Variants in ADAM32 observed in about 807,000 individuals in gnomAD.
ADAM32 encodes ADAM metallopeptidase domain 32.
ADAM32 carries 89 observed loss-of-function variants against 114.9 expected under a neutral mutation model. The ratio of observed to expected loss-of-function variants is 0.77; its 90% CI spans 0.65 to 0.92. ADAM32 has a LOEUF of 0.92. Ranked by LOEUF, ADAM32 falls within the 40% of genes least tolerant of loss-of-function variation. The pLI, the probability that ADAM32 is intolerant of heterozygous loss-of-function variation, is 0.00. For synonymous variants in ADAM32, 285 were observed against 307.5 expected (o/e 0.93, Z 0.77); for missense variants, 870 against 932.8 (o/e 0.93, Z 0.88).
In ADAM32 at chr8:39,164,969, TG is replaced by T; in HGVS notation, c.667-58del. 4 of 1,524,026 alleles carry T rather than the reference TG, an allele frequency of 2.6e-6. No homozygotes were observed. The South Asian group carries it at 3.7e-5, about 14-fold the overall frequency. The allele number at this position is 1,524,026 out of a possible 1,614,324, so 94.4% of individuals were successfully genotyped here. A position where few individuals can be genotyped will look rare whatever the true frequency, so the allele number is the denominator to read the frequency against. On this transcript the variant is annotated intron_variant, in intron 8 of 24. Coordinates refer to ENST00000379907, the MANE Select transcript of ADAM32 (RefSeq NM_145004.7). ...TGGGATTGTAAAAACTTTGAATTTCTGGGTTTTTATAAGATAACATAAATAT... is the reference window on the plus strand; with the variant it reads ...TGGGATTGTAAAAACTTTGAATTTCTGGTTTTTATAAGATAACATAAATAT...
At chr8:39,201,004 T>C (rs199660063) in intron 11 of ADAM32, among the ~76,000 whole-genome samples, 1 of 152,108 alleles carries the variant, frequency 6.6e-6, no homozygotes, top group Non-Finnish European at 1.5e-5. Context: ...GGTACCAGTA[T>C]CATGCTGTTT....
intron 6 of ADAM32, chr8:39,157,835 G>GACTAT: frequency 1.4e-6 from 1 of 737,666 alleles, no homozygotes; most frequent in African/African-American, 1.8e-5. Flanking sequence ...TGGAGGCACT[G>GACTAT]ATCAATTTGC....
At chr8:39,161,568 T>C (rs188090294) in intron 7 of ADAM32, among the ~76,000 whole-genome samples, 3 of 152,330 alleles carry the variant, frequency 2.0e-5, no homozygotes, top group East Asian at 3.9e-4. Context: ...TTATTTCTTT[T>C]AATAGTTGAA....
intron 22 of ADAM32, among the ~76,000 whole-genome samples, chr8:39,278,956 C>A (rs1320338859): frequency 6.6e-6 from 1 of 152,040 alleles, no homozygotes; most frequent in East Asian, 1.9e-4. Flanking sequence ...TGTAATGTGC[C>A]ATGTACTGTC....
At chr8:39,247,895 CT>C (rs148274969) in intron 17 of ADAM32, among the ~76,000 whole-genome samples, 7,364 of 146,514 alleles carry the variant, frequency 0.05, 616 homozygotes, top group African/African-American at 0.17. Flanking sequence ...TGTCTAGATT[CT>C]TTTTTTTTTC....
At position 39,226,939 on chromosome 8, in the gene ADAM32, T is replaced by C. The variant is rs561422660; in HGVS notation, c.1525+3701T>C. Among the ~76,000 whole-genome samples the C allele has an allele frequency of 5.9e-5, 9 of 152,326 alleles. No individual in the cohort carries two copies. The East Asian group carries it at 1.7e-3, about 29-fold the overall frequency. ...AAGACAAAACTACTGAAATAATTATTACTATAATAATTTGTTAAGGAACAT... is the reference window on the plus strand; with the variant it reads ...AAGACAAAACTACTGAAATAATTATCACTATAATAATTTGTTAAGGAACAT... On this transcript the variant is annotated intron_variant, in intron 14 of 24. Coordinates refer to ENST00000379907, the MANE Select transcript of ADAM32 (RefSeq NM_145004.7).
chr8:39,217,487 A>G (rs1227728611), intron 12 of ADAM32, among the ~76,000 whole-genome samples: 1 of 151,868 alleles, frequency 6.6e-6, no homozygotes, highest in Non-Finnish European at 1.5e-5. Flanking sequence ...TTTAAGGCCA[A>G]TAACTCCTAG....
intron 17 of ADAM32, among the ~76,000 whole-genome samples, chr8:39,251,958 A>G (rs954454849): frequency 9.2e-5 from 14 of 151,856 alleles, no homozygotes; most frequent in African/African-American, 3.1e-4. Flanking sequence ...TTCCAGCACC[A>G]TCTATTGAAG....
rs1804632727 is a variant in ADAM32 at position 39,163,424 on chromosome 8, T to A, written c.595-1340T>A. 1.3e-5 allele frequency among the ~76,000 whole-genome samples: 2 copies of A among 151,660 alleles called. 1 individual carries two copies. Among genetic ancestry groups the A allele is most frequent in the South Asian group, 4.2e-4 (2 of 4,778 alleles). On this transcript the variant is annotated intron_variant, in intron 7 of 24. Coordinates refer to ENST00000379907, the MANE Select transcript of ADAM32 (RefSeq NM_145004.7). ...TTTTACCTTAGAATAATCATTTTGG[T>A]AATAGTGTAGGGACCAGATTGCTGG...
At chr8:39,238,885 T>A (rs1810373978) in intron 16 of ADAM32, among the ~76,000 whole-genome samples, 2 of 151,498 alleles carry the variant, frequency 1.3e-5, no homozygotes, top group African/African-American at 4.9e-5. Context: ...AAATAAAAAA[T>A]AAAACAATGA....
At chr8:39,249,315 A>G (rs546856070) in intron 17 of ADAM32, among the ~76,000 whole-genome samples, 4 of 152,170 alleles carry the variant, frequency 2.6e-5, no homozygotes, top group Non-Finnish European at 5.9e-5. Context: ...CTAATTTTCT[A>G]ATGTTGAACC....
At chr8:39,123,028 A>G (rs1588472150) in intron 2 of ADAM32, among the ~76,000 whole-genome samples, 1 of 152,180 alleles carries the variant, frequency 6.6e-6, no homozygotes. Context: ...AAACTTTTGT[A>G]TATGGTGTGA....
intron 14 of ADAM32, among the ~76,000 whole-genome samples, chr8:39,225,351 C>T (rs552225145): frequency 6.6e-6 from 1 of 152,184 alleles, no homozygotes; most frequent in African/African-American, 2.4e-5. Context: ...CTTCATACAT[C>T]ATTACTTATG....
intron 20 of ADAM32, among the ~76,000 whole-genome samples, chr8:39,272,544 T>G (rs1201760500): frequency 6.6e-6 from 1 of 152,130 alleles, no homozygotes; most frequent in East Asian, 1.9e-4. Context: ...CTGTAACTGA[T>G]TAAGTATGTA....
At chr8:39,264,322 T>C (rs74339891) in intron 19 of ADAM32, among the ~76,000 whole-genome samples, 1 of 152,316 alleles carries the variant, frequency 6.6e-6, no homozygotes, top group East Asian at 1.9e-4. Flanking sequence ...CTATTTCTTC[T>C]AGGTTTTCTA....
At chr8:39,149,917 G>A in intron 5 of ADAM32, 50 bp downstream of exon 5, 9 of 1,476,338 alleles carry the variant, frequency 6.1e-6, no homozygotes, top group Non-Finnish European at 8.4e-6. Context: ...ATATTTGGCT[G>A]CAGTGAATTT....
At chr8:39,149,266 G>A (rs1803682788) in intron 4 of ADAM32, among the ~76,000 whole-genome samples, 1 of 152,036 alleles carries the variant, frequency 6.6e-6, no homozygotes, top group Admixed American at 6.6e-5. Context: ...ATGTCTTCCT[G>A]GCAAATTGAA....
At chr8:39,256,874 G>A (rs562781810) in intron 18 of ADAM32, among the ~76,000 whole-genome samples, 7 of 152,082 alleles carry the variant, frequency 4.6e-5, no homozygotes, top group Admixed American at 3.3e-4. Flanking sequence ...GGATAACCAT[G>A]CAATTACACA....
intron 11 of ADAM32, among the ~76,000 whole-genome samples, chr8:39,200,820 C>G (rs1585523022): frequency 6.6e-6 from 1 of 152,118 alleles, no homozygotes; most frequent in African/African-American, 2.4e-5. Context: ...AGGAAGGGAT[C>G]CAGTTTCAGC....
Sources: gnomAD v4.1 joint callset for allele counts (sites outside exome capture counted in the v4.1 genomes callset) on GRCh38, gnomAD v4.1.1 for gene constraint, MANE v1.5 for transcripts, NCBI Gene and HGNC (gene_info 2026-07-23, HGNC 2026-07-21) for gene names.